Variants in XKRX observed in about 807,000 individuals in gnomAD.
XKRX encodes XK-related protein 2.
In XKRX, 11 loss-of-function variants were observed where a neutral mutation model predicts 22.4. The observed-to-expected ratio is 0.49, with a 90% confidence interval of 0.31 to 0.81. The LOEUF is 0.81. Ranked by LOEUF, XKRX falls within the 40% of genes least tolerant of loss-of-function variation. The pLI is 0.05. For missense variants in XKRX, 320 were observed against 336.5 expected, an observed-to-expected ratio of 0.95 and a Z score of 0.38; for synonymous variants, 114 against 132.2, an observed-to-expected ratio of 0.86 and a Z score of 0.94.
chrX:100,920,838 C>A (rs1215152487), intron 2 of XKRX, among the ~76,000 whole-genome samples: 1 of 111,423 alleles, frequency 9.0e-6, no homozygotes, highest in Non-Finnish European at 1.9e-5. Context: ...CAGCTCACTG[C>A]AACCTCCACC....
At chrX:100,937,044 T>C in the XKRX span, among the ~76,000 whole-genome samples, 106 of 104,987 alleles carry the variant, frequency 1.0e-3, no homozygotes, top group African/African-American at 3.7e-3. Flanking sequence ...CAGAATGGAG[T>C]GCAGTGGCGA....
At chrX:100,957,016 A>G in the XKRX span, 3 of 1,096,048 alleles carry the variant, frequency 2.7e-6, no homozygotes, top group Middle Eastern at 2.4e-4. Context: ...TGTGATGTTG[A>G]TATCTATTTC....
At position 100,913,937 on chromosome X, in the gene XKRX, T is replaced by A. The variant is rs1478775220; in HGVS notation, c.*401A>T. 1 of 131,036 alleles carries A rather than the reference T, an allele frequency of 7.6e-6. No individual in the cohort carries two copies. The highest frequency in any genetic ancestry group is 7.8e-5 in the Admixed American group (1 of 12,769). The allele number at this position is 131,036 out of a possible 1,213,427, so 10.8% of individuals were successfully genotyped here. ...TACTCTTAGCTGGTAAGCTGTCATA[T>A]CCTCTGATCAGTCAGGATATATTCT... On this transcript the variant is annotated 3_prime_UTR_variant, in exon 3 of 3. Transcript: ENST00000372956.
intron 1 of XKRX, among the ~76,000 whole-genome samples, chrX:100,924,794 G>A (rs1007456871): frequency 8.9e-6 from 1 of 112,018 alleles, no homozygotes; most frequent in South Asian, 3.7e-4. Flanking sequence ...ATTATGGGAG[G>A]AGAGGATAAT....
chrX:100,956,206 G>T, the XKRX span, among the ~76,000 whole-genome samples: 2 of 111,148 alleles, frequency 1.8e-5, no homozygotes, highest in Non-Finnish European at 3.8e-5. Context: ...CATGTGGGAG[G>T]AGGTGGGGGG....
the XKRX span, chrX:100,888,293 G>A: frequency 1.4e-6 from 1 of 696,919 alleles, no homozygotes. Context: ...AGTTAAGTGG[G>A]CACCTGATCT....
At chrX:100,892,651 G>T in the XKRX span, among the ~76,000 whole-genome samples, 6 of 112,509 alleles carry the variant, frequency 5.3e-5, no homozygotes, top group African/African-American at 1.9e-4. Flanking sequence ...TTGTTAGGAT[G>T]GCTACTTTCA....
At chrX:100,892,147 A>G in the XKRX span, among the ~76,000 whole-genome samples, 2 of 112,325 alleles carry the variant, frequency 1.8e-5, no homozygotes, top group Non-Finnish European at 3.8e-5. Context: ...ATAAGGGGTT[A>G]ATATCCAAAA....
downstream of XKRX, chrX:100,910,935 A>G: frequency 3.5e-6 from 2 of 568,726 alleles, no homozygotes; most frequent in South Asian, 2.4e-5. Context: ...ACCAAACACA[A>G]GAATAATGAA....
the XKRX span, chrX:100,957,405 T>TACC: frequency 1.7e-6 from 2 of 1,206,914 alleles, no homozygotes; most frequent in Admixed American, 4.3e-5. Context: ...CCCCGAGCAG[T>TACC]ACCGCATGTG....
At chrX:100,931,352 C>A (rs1199750577), upstream of XKRX, among the ~76,000 whole-genome samples, 4 of 110,421 alleles carry the variant, frequency 3.6e-5, no homozygotes, top group Non-Finnish European at 7.6e-5. Context: ...CACACTACTT[C>A]CCTCTCAGAT....
chrX:100,911,072 C>T (rs901474187), downstream of XKRX: 10 of 557,983 alleles, frequency 1.8e-5, no homozygotes, highest in Admixed American at 2.4e-4. Flanking sequence ...AGTCCCTCTG[C>T]CTGAAGTATG....
chrX:100,945,247 T>TACACACAC, the XKRX span, among the ~76,000 whole-genome samples: 97 of 55,367 alleles, frequency 1.8e-3, 3 homozygotes, highest in Middle Eastern at 0.011. Flanking sequence ...ACCTGGGTGA[T>TACACACAC]ACACACACAC....
the XKRX span, among the ~76,000 whole-genome samples, chrX:100,893,197 G>C: frequency 9.0e-6 from 1 of 111,719 alleles, no homozygotes; most frequent in Admixed American, 9.5e-5. Context: ...GAAAGATGTT[G>C]GTCAACATGT....
chrX:100,910,679 A>T (rs1004576880), downstream of XKRX: 2 of 437,537 alleles, frequency 4.6e-6, no homozygotes, highest in African/African-American at 5.2e-5. Context: ...CGCACCCCAG[A>T]GGCTGCTACT....
At chrX:100,941,730 A>G in the XKRX span, among the ~76,000 whole-genome samples, 1 of 111,575 alleles carries the variant, frequency 9.0e-6, no homozygotes, top group East Asian at 2.8e-4. Context: ...ACCTTCTTAC[A>G]TATTCTCCCT....
chrX:100,927,421 C>G (rs959454075), intron 1 of XKRX, among the ~76,000 whole-genome samples: 5 of 111,591 alleles, frequency 4.5e-5, no homozygotes, highest in Non-Finnish European at 9.4e-5. Flanking sequence ...ATCCACCCGC[C>G]TCAGCCTCCC....
At chrX:100,956,865 C>T in the XKRX span, 1 of 813,747 alleles carries the variant, frequency 1.2e-6, no homozygotes, top group Non-Finnish European at 1.9e-6. Flanking sequence ...TGTCTAAAGT[C>T]AAGTCTAGCC....
At chrX:100,948,589 G>T in the XKRX span, among the ~76,000 whole-genome samples, 1 of 112,437 alleles carries the variant, frequency 8.9e-6, no homozygotes. Flanking sequence ...TTAGTTAAAT[G>T]ACTAGGAAAA....
Sources: allele counts gnomAD v4.1 joint callset (sites outside exome capture counted in the v4.1 genomes callset), GRCh38; gene constraint gnomAD v4.1.1; transcripts MANE v1.5; gene names NCBI Gene and HGNC (gene_info 2026-07-23, HGNC 2026-07-21).